PDE10A: variants seen among roughly 807,000 people sequenced by gnomAD.
PDE10A encodes the protein cAMP and cAMP-inhibited cGMP 3',5'-cyclic phosphodiesterase 10A.
PDE10A carries 39 observed loss-of-function variants against 97.7 expected under a neutral mutation model. That is an observed-to-expected ratio of 0.40 (90% confidence interval 0.31 to 0.52). PDE10A has a LOEUF of 0.52. Ranked by LOEUF, PDE10A falls within the 20% of genes least tolerant of loss-of-function variation. The pLI is 0.56. For missense variants in PDE10A, 731 were observed against 1,047.8 expected, an observed-to-expected ratio of 0.70 and a Z score of 4.17; for synonymous variants, 371 against 376.8, an observed-to-expected ratio of 0.98 and a Z score of 0.18.
chr6:165,663,392 G>A (rs977558810), upstream of PDE10A, among the ~76,000 whole-genome samples: 1 of 152,164 alleles, frequency 6.6e-6, no homozygotes, highest in East Asian at 1.9e-4. Context: ...CGGGCGGACA[G>A]AGCAACCGCT....
intron 1 of PDE10A, among the ~76,000 whole-genome samples, chr6:165,690,465 TC>T (rs1436889298): frequency 6.6e-6 from 1 of 152,232 alleles, no homozygotes; most frequent in Non-Finnish European, 1.5e-5. Context: ...CTCCTCCAGT[TC>T]CTTTTCCTTT....
intron 3 of PDE10A, among the ~76,000 whole-genome samples, chr6:165,469,844 G>C (rs1012284725): frequency 6.6e-6 from 1 of 152,144 alleles, no homozygotes; most frequent in African/African-American, 2.4e-5. Flanking sequence ...CCAGGTATTT[G>C]TTTATAAGTA....
intron 1 of PDE10A, among the ~76,000 whole-genome samples, chr6:165,571,351 G>A (rs952232862): frequency 6.6e-6 from 1 of 152,088 alleles, no homozygotes; most frequent in Non-Finnish European, 1.5e-5. Context: ...AATTCTGTTG[G>A]GAAACCTAGG....
At chr6:165,598,175 A>C (rs993637818) in intron 1 of PDE10A, among the ~76,000 whole-genome samples, 17 of 152,222 alleles carry the variant, frequency 1.1e-4, no homozygotes, top group Admixed American at 3.3e-4. Flanking sequence ...ACCAACATAC[A>C]TTTTAGCAGT....
chr6:165,927,818 C>T (rs1782990987), intron 1 of PDE10A, among the ~76,000 whole-genome samples: 1 of 149,680 alleles, frequency 6.7e-6, no homozygotes, highest in Non-Finnish European at 1.5e-5. Flanking sequence ...TGCCTAAGCC[C>T]CCCAAGTATC....
rs1162727368 is a variant in PDE10A, at chr6:165,580,914, G to GT, written c.866-37347dup. Among the ~76,000 whole-genome samples, 42 of 151,686 alleles carry GT rather than the reference G, an allele frequency of 2.8e-4. 1 individual carries two copies. Among genetic ancestry groups the GT allele is most frequent in the African/African-American group, 1.0e-3 (42 of 41,416 alleles). ...CTCCTACCCGATGAGAAAGAAGATG[G>GT]TAAGTCTCCAACCCAATGAGAAAGA... On this transcript the variant is annotated intron_variant, in intron 1 of 21. Transcript: ENST00000539869.
In PDE10A at chr6:165,767,413, A is replaced by G. The variant is rs979524725; in HGVS notation, c.-615+220116T>C. Among the ~76,000 whole-genome samples the G allele has an allele frequency of 9.2e-5, 14 of 152,098 alleles. 1 individual carries two copies. Among genetic ancestry groups the G allele is most frequent in the Admixed American group, 4.6e-4 (7 of 15,266 alleles). ...AACATTTTCATAACCCGCAAGGGGA[A>G]CTCCACATCCGTTGGCAGCCACTCT... On this transcript the variant is annotated intron_variant, in intron 1 of 19. Coordinates refer to the PDE10A transcript ENST00000366882.
chr6:165,913,675 A>C (rs1429786866), intron 1 of PDE10A, among the ~76,000 whole-genome samples: 1 of 152,014 alleles, frequency 6.6e-6, no homozygotes, highest in East Asian at 1.9e-4. Context: ...ACATGGGGGG[A>C]CATGGCATGT....
chr6:165,346,562 A>C (rs1003958524), intron 18 of PDE10A, among the ~76,000 whole-genome samples: 5 of 152,174 alleles, frequency 3.3e-5, no homozygotes, highest in Non-Finnish European at 5.9e-5. Context: ...TTGCCTGCTA[A>C]GTGCCATCCT....
intron 20 of PDE10A, among the ~76,000 whole-genome samples, chr6:165,338,090 C>T (rs566124186): frequency 1.6e-4 from 25 of 152,250 alleles, no homozygotes; most frequent in African/African-American, 6.0e-4. Flanking sequence ...TCAAAATACA[C>T]CTGCAGTAAA....
intron 1 of PDE10A, among the ~76,000 whole-genome samples, chr6:165,620,499 T>C (rs919375434): frequency 3.9e-5 from 6 of 152,194 alleles, no homozygotes; most frequent in African/African-American, 1.4e-4. Context: ...TTCCCTTCTT[T>C]AGAAACAGCC....
chr6:165,730,824 T>C (rs1792415499), intron 1 of PDE10A, among the ~76,000 whole-genome samples: 1 of 147,216 alleles, frequency 6.8e-6, no homozygotes, highest in Admixed American at 6.8e-5. Flanking sequence ...GGTGGGTGGA[T>C]CACAAGGTCA....
At chr6:165,916,706 T>C (rs1411914192) in intron 1 of PDE10A, among the ~76,000 whole-genome samples, 1 of 152,198 alleles carries the variant, frequency 6.6e-6, no homozygotes, top group Admixed American at 6.5e-5. Context: ...CAAAAGATTG[T>C]AAAAATAAAT....
chr6:165,333,890 T>C (rs1482433088), intron 21 of PDE10A, among the ~76,000 whole-genome samples: 3 of 152,228 alleles, frequency 2.0e-5, no homozygotes, highest in Non-Finnish European at 2.9e-5. Flanking sequence ...AATCTTGGCA[T>C]TGGGAAATAC....
intron 17 of PDE10A, among the ~76,000 whole-genome samples, chr6:165,384,185 G>C (rs1012828357): frequency 2.0e-5 from 3 of 152,124 alleles, no homozygotes; most frequent in Non-Finnish European, 2.9e-5. Flanking sequence ...TGATGGATGA[G>C]GAGGAAAAGG....
At chr6:165,357,753 C>T (rs1295407635) in intron 18 of PDE10A, among the ~76,000 whole-genome samples, 14 of 143,082 alleles carry the variant, frequency 9.8e-5, no homozygotes, top group African/African-American at 2.1e-4. Context: ...TCTTTTTTTT[C>T]CTTAATTAGT....
intron 1 of PDE10A, among the ~76,000 whole-genome samples, chr6:165,584,546 A>G (rs959514132): frequency 6.1e-5 from 8 of 130,768 alleles, no homozygotes; most frequent in Non-Finnish European, 1.3e-4. Flanking sequence ...ACCTCTGGGG[A>G]GCCAGCACCA....
At chr6:165,645,582 G>A (rs1188570833) in intron 1 of PDE10A, among the ~76,000 whole-genome samples, 3 of 152,064 alleles carry the variant, frequency 2.0e-5, no homozygotes, top group African/African-American at 4.8e-5. Context: ...GGCTGGGCGC[G>A]GTGTCTCACG....
chr6:165,811,301 T>G, intron 1 of PDE10A, among the ~76,000 whole-genome samples: 1 of 152,178 alleles, frequency 6.6e-6, no homozygotes, highest in East Asian at 1.9e-4. Context: ...AGACTGGAAT[T>G]GAAGATACTG....
Sources: gnomAD v4.1 joint callset for allele counts (sites outside exome capture counted in the v4.1 genomes callset) on GRCh38, gnomAD v4.1.1 for gene constraint, MANE v1.5 for transcripts, NCBI Gene and HGNC (gene_info 2026-07-23, HGNC 2026-07-21) for gene names.